Variants in KAT6B observed in about 807,000 individuals in gnomAD.
KAT6B encodes the protein histone acetyltransferase KAT6B.
In KAT6B, 10 loss-of-function variants were observed where a neutral mutation model predicts 187.5. The ratio of observed to expected loss-of-function variants is 0.05; its 90% CI spans 0.03 to 0.09. The LOEUF is 0.09. Among genes scored for constraint, KAT6B ranks in the 10% least tolerant of loss-of-function variants. KAT6B has a pLI of 1.00. For synonymous variants in KAT6B, 861 were observed against 926.8 expected, an observed-to-expected ratio of 0.93 and a Z score of 1.29; for missense variants, 1,952 against 2,558.9, an observed-to-expected ratio of 0.76 and a Z score of 5.12.
chr10:74,828,788 C>T (rs890633159), intron 1 of KAT6B, among the ~76,000 whole-genome samples: 1 of 151,790 alleles, frequency 6.6e-6, no homozygotes, highest in African/African-American at 2.4e-5. Flanking sequence ...AGGATGGTCT[C>T]GAACTCTTGA....
intron 3 of KAT6B, among the ~76,000 whole-genome samples, chr10:74,881,493 A>G (rs1049089200): frequency 6.6e-6 from 1 of 152,120 alleles, no homozygotes; most frequent in Non-Finnish European, 1.5e-5. Flanking sequence ...CAAACACCCC[A>G]TGCCTTCTGT....
At chr10:74,867,235 T>A (rs867419176) in intron 3 of KAT6B, among the ~76,000 whole-genome samples, 1 of 152,188 alleles carries the variant, frequency 6.6e-6, no homozygotes, top group Admixed American at 6.5e-5. Context: ...ATAAAGCCAA[T>A]TGAGATCTTT....
intron 3 of KAT6B, among the ~76,000 whole-genome samples, chr10:74,847,278 A>T (rs1309204549): frequency 6.6e-6 from 1 of 152,278 alleles, no homozygotes; most frequent in African/African-American, 2.4e-5. Flanking sequence ...GACTAATTCT[A>T]TTAAGTAATC....
At chr10:74,875,818 CCTT>C (rs1159934611) in intron 3 of KAT6B, among the ~76,000 whole-genome samples, 1 of 152,142 alleles carries the variant, frequency 6.6e-6, no homozygotes, top group East Asian at 1.9e-4. Context: ...CACATATCAT[CCTT>C]CTTTCCTTTC....
chr10:74,988,973 C>A, intron 12 of KAT6B, 46 bp from the exon 13 acceptor site: 1 of 1,377,152 alleles, frequency 7.3e-7, no homozygotes, highest in Non-Finnish European at 1.0e-6. Flanking sequence ...GAATTGCCCA[C>A]TTCAGCAGGG....
At chr10:74,899,229 A>G (rs1045419426) in intron 3 of KAT6B, among the ~76,000 whole-genome samples, 3 of 145,812 alleles carry the variant, frequency 2.1e-5, no homozygotes, top group Non-Finnish European at 3.0e-5. Flanking sequence ...GGAAACAACT[A>G]TTTCTAAAAT....
intron 1 of KAT6B, among the ~76,000 whole-genome samples, chr10:74,837,240 G>A (rs1841369253): frequency 6.6e-6 from 1 of 152,158 alleles, no homozygotes; most frequent in Non-Finnish European, 1.5e-5. Context: ...TGTAATGAAT[G>A]ATGTAAATAG....
At chr10:74,965,959 TCTC>T (rs1378673069) in intron 4 of KAT6B, among the ~76,000 whole-genome samples, 5 of 151,682 alleles carry the variant, frequency 3.3e-5, no homozygotes, top group Admixed American at 2.6e-4. Context: ...ATGGTCCTGA[TCTC>T]CTGACCTCGT....
rs904079940 is a variant in KAT6B, at chr10:75,021,119, A to G, written c.2862-7A>G. 2 of 1,613,664 alleles carry G rather than the reference A, an allele frequency of 1.2e-6. No homozygotes were observed. Among genetic ancestry groups the G allele is most frequent in the Admixed American group, 3.3e-5 (2 of 60,024 alleles). On this transcript the variant is annotated splice_region_variant and splice_polypyrimidine_tract_variant and intron_variant, in intron 14 of 17. Coordinates refer to ENST00000287239, the MANE Select transcript of KAT6B (RefSeq NM_012330.4). The stretch of plus-strand genomic sequence containing the variant: ...ATTACATCTTGTTCTGCCTTATCAC[A>G]TTACAGATTTGTCATCATTAGACGG...
At chr10:74,861,324 G>A (rs1486163467) in intron 3 of KAT6B, among the ~76,000 whole-genome samples, 1 of 152,094 alleles carries the variant, frequency 6.6e-6, no homozygotes, top group Non-Finnish European at 1.5e-5. Flanking sequence ...AAAGAAACAT[G>A]CTAATACATA....
chr10:75,009,915 C>A (rs1844479065), intron 13 of KAT6B, among the ~76,000 whole-genome samples: 1 of 152,174 alleles, frequency 6.6e-6, no homozygotes. Context: ...GCAGGAGAAT[C>A]ACTTGAACCC....
At chr10:75,020,558 G>A in intron 13 of KAT6B, 24 bp from the exon 14 acceptor site, 1 of 1,515,808 alleles carries the variant, frequency 6.6e-7, no homozygotes, top group Non-Finnish European at 9.2e-7. Flanking sequence ...AGTGAGGAAT[G>A]CCCATTTATT....
At chr10:74,905,296 G>A (rs971849834) in intron 3 of KAT6B, among the ~76,000 whole-genome samples, 2 of 152,208 alleles carry the variant, frequency 1.3e-5, no homozygotes, top group African/African-American at 2.4e-5. Flanking sequence ...GACTAGGTGT[G>A]TGGCAGAGTT....
At chr10:74,828,060 A>G (rs916612383) in intron 1 of KAT6B, among the ~76,000 whole-genome samples, 2 of 152,120 alleles carry the variant, frequency 1.3e-5, no homozygotes, top group African/African-American at 2.4e-5. Context: ...GGGATAGGAC[A>G]TTTTGCATAG....
At chr10:74,866,666 A>C (rs1189332244) in intron 3 of KAT6B, among the ~76,000 whole-genome samples, 1 of 152,102 alleles carries the variant, frequency 6.6e-6, no homozygotes, top group Non-Finnish European at 1.5e-5. Flanking sequence ...TAACTGTAAA[A>C]GTTATTATTT....
chr10:74,922,351 C>G (rs933639699), intron 3 of KAT6B, among the ~76,000 whole-genome samples: 13 of 152,032 alleles, frequency 8.6e-5, no homozygotes, highest in African/African-American at 3.1e-4. Context: ...ATAAAGAAAC[C>G]TGTCAAATTT....
intron 3 of KAT6B, among the ~76,000 whole-genome samples, chr10:74,853,589 C>G (rs1296042007): frequency 1.3e-5 from 2 of 148,398 alleles, no homozygotes; most frequent in Non-Finnish European, 3.0e-5. Flanking sequence ...CCACCGTGCT[C>G]AGCCTTTTAT....
In KAT6B at chr10:74,839,157, C is replaced by T. The variant is rs530539649; in HGVS notation, c.-259+405C>T. Among the ~76,000 whole-genome samples the T allele has an allele frequency of 4.2e-4, 50 of 117,650 alleles. 1 individual carries two copies. The East Asian group carries it at 0.012, about 28-fold the overall frequency. 77.2% of individuals were successfully genotyped at this position (117,650 alleles called of 152,430 possible). ...GACAAGAGCAAGACTCTGTGCCCCC[C>T]AAAAAAAAAAAAATGATTGTGGTAA... On this transcript the variant is annotated intron_variant, in intron 2 of 17. Transcript: ENST00000287239.
intron 3 of KAT6B, among the ~76,000 whole-genome samples, chr10:74,879,815 C>T (rs1844719407): frequency 6.6e-6 from 1 of 152,030 alleles, no homozygotes; most frequent in Non-Finnish European, 1.5e-5. Context: ...GTAGATCTGG[C>T]CAGGCATGGT....
Sources: gnomAD v4.1 joint callset for allele counts (sites outside exome capture counted in the v4.1 genomes callset) on GRCh38, gnomAD v4.1.1 for gene constraint, MANE v1.5 for transcripts, NCBI Gene and HGNC (gene_info 2026-07-23, HGNC 2026-07-21) for gene names.